ZNF98: variants seen among roughly 807,000 people sequenced by gnomAD.
ZNF98 encodes zinc finger protein 739.
ZNF98 carries 8 observed loss-of-function variants against 12.8 expected under a neutral mutation model. The observed-to-expected ratio is 0.63, with a 90% confidence interval of 0.37 to 1.13. The LOEUF (loss-of-function observed/expected upper bound fraction) is 1.13. ZNF98 is among the 50% of genes most tolerant of loss of function. The pLI is 0.01. For synonymous variants in ZNF98, 112 were observed against 223.5 expected, an observed-to-expected ratio of 0.50 and a Z score of 4.45; for missense variants, 379 against 666.1, an observed-to-expected ratio of 0.57 and a Z score of 4.74.
intron 1 of ZNF98, among the ~76,000 whole-genome samples, chr19:22,404,234 A>G (rs1969495189): frequency 6.6e-6 from 1 of 152,182 alleles, no homozygotes; most frequent in Non-Finnish European, 1.5e-5. Flanking sequence ...TAAAAAAAAG[A>G]AAAGAAAATT....
chr19:22,395,995 C>T (rs1464144431), intron 3 of ZNF98, among the ~76,000 whole-genome samples: 1 of 151,270 alleles, frequency 6.6e-6, no homozygotes, highest in Non-Finnish European at 1.5e-5. Flanking sequence ...CTGCATATGC[C>T]CTACATATAA....
intron 1 of ZNF98, among the ~76,000 whole-genome samples, chr19:22,415,931 TAAAAAAAAAA>T (rs35543907): frequency 2.1e-5 from 2 of 96,784 alleles, no homozygotes; most frequent in African/African-American, 4.3e-5. Context: ...CGTTCCTACT[TAAAAAAAAAA>T]AAAAAAAAAC....
intron 1 of ZNF98, among the ~76,000 whole-genome samples, chr19:22,420,984 T>A (rs1376252384): frequency 6.6e-6 from 1 of 152,212 alleles, no homozygotes; most frequent in Non-Finnish European, 1.5e-5. Context: ...TAAATAGTTT[T>A]ATTTAAGACA....
rs544486561 is a variant in ZNF98, at chr19:22,422,194, C to T, written c.30+1G>A. 1 of 1,613,052 alleles carries T rather than the reference C, an allele frequency of 6.2e-7. No individual in the cohort carries two copies. The highest frequency in any genetic ancestry group is 1.3e-5 in the African/African-American group (1 of 75,018). On this transcript the variant is annotated splice_donor_variant, in intron 1 of 3. Coordinates refer to ENST00000357774, the MANE Select transcript of ZNF98 (RefSeq NM_001098626.2). LOFTEE classifies it high-confidence loss of function. ...AGGGATGTCGGACTCGGCACTCTCA[C>T]CATTTCTAGGCTTCCAAGGGGTCCT...
In ZNF98 at chr19:22,422,334, G is replaced by C; in HGVS notation, c.-110C>G. ...CGAGACCAGGAACTCCGGCTGCAGC[G>C]AGAGACAAAGACCCCGCCACATCCC... On this transcript the variant is annotated 5_prime_UTR_variant, in exon 1 of 4. Transcript: ENST00000357774. 1.5e-6 allele frequency: 2 copies of C among 1,339,450 alleles called. No homozygotes were observed. The highest frequency in any genetic ancestry group is 2.5e-5 in the East Asian group (1 of 40,788). 83.0% of individuals were successfully genotyped at this position (1,339,450 alleles called of 1,614,324 possible).
intron 1 of ZNF98, among the ~76,000 whole-genome samples, chr19:22,406,681 G>C (rs1272261754): frequency 6.6e-6 from 1 of 151,966 alleles, no homozygotes; most frequent in Admixed American, 6.6e-5. Context: ...GCCGGGCATG[G>C]TAGTCCGCAC....
chr19:22,399,907 C>T (rs377564075), intron 3 of ZNF98, among the ~76,000 whole-genome samples: 2 of 152,178 alleles, frequency 1.3e-5, no homozygotes, highest in Admixed American at 6.5e-5. Context: ...CAACCTGGGT[C>T]ATGTAGCAAG....
At chr19:22,395,870 G>GC (rs1159164977) in intron 3 of ZNF98, among the ~76,000 whole-genome samples, 3 of 99,580 alleles carry the variant, frequency 3.0e-5, no homozygotes, top group African/African-American at 1.5e-4. Context: ...AAGTCCTGAG[G>GC]GGGGGGAAAA....
In ZNF98 at chr19:22,391,684, G is replaced by C. The variant is rs775081916; in HGVS notation, c.1551C>G (p.Pro517=). 2.2e-5 allele frequency: 35 copies of C among 1,613,882 alleles called. No individual in the cohort carries two copies. The South Asian group carries it at 3.8e-4, about 18-fold the overall frequency. ...THKMIHTGEK[P]YKCEECGKAF... is the part of the protein sequence containing the mutation. ...CTTTGCCGCATTCTTCACACTTGTA[G>C]GGTTTCTCTCCAGTATGAATCATCT... is the stretch of plus-strand genomic sequence containing the variant. The change falls in exon 4 of 4, where the codon CCC becomes CCG. Residue 517 remains proline, a synonymous_variant. Transcript: ENST00000357774.
chr19:22,415,674 T>C (rs935078580), intron 1 of ZNF98, among the ~76,000 whole-genome samples: 15 of 149,276 alleles, frequency 1.0e-4, no homozygotes, highest in African/African-American at 3.7e-4. Flanking sequence ...GTCTCAGCTA[T>C]GTGGGGGGCT....
chr19:22,396,875 C>T (rs1174291629), intron 3 of ZNF98, among the ~76,000 whole-genome samples: 1 of 152,064 alleles, frequency 6.6e-6, no homozygotes, highest in African/African-American at 2.4e-5. Context: ...AATCCCAGCA[C>T]TTTGGGAGGC....
At chr19:22,396,736 T>G (rs184727589) in intron 3 of ZNF98, among the ~76,000 whole-genome samples, 19 of 152,308 alleles carry the variant, frequency 1.2e-4, no homozygotes, top group Admixed American at 1.2e-3. Flanking sequence ...AAGATAGTAT[T>G]ATGCAAGCTA....
intron 3 of ZNF98, among the ~76,000 whole-genome samples, chr19:22,398,785 G>T (rs1212016112): frequency 6.6e-6 from 1 of 151,984 alleles, no homozygotes; most frequent in Non-Finnish European, 1.5e-5. Context: ...AGTCACAAAA[G>T]TGTTTCCCTC....
chr19:22,397,866 C>T lies in ZNF98; in HGVS notation c.254-4885G>A, dbSNP rs557485012. Among the ~76,000 whole-genome samples, 64 of 147,356 alleles carry T rather than the reference C, an allele frequency of 4.3e-4. 1 individual carries two copies. In the East Asian group the frequency reaches 0.011, roughly 26 times the overall value. On this transcript the variant is annotated intron_variant, in intron 3 of 3. Coordinates refer to ENST00000357774, the MANE Select transcript of ZNF98 (RefSeq NM_001098626.2). ...AAACAATGTTGGAGGCATTACAGTT[C>T]CTGATTTCAAAACACAAAGCTACAG...
At chr19:22,420,080 T>A (rs1360508601) in intron 1 of ZNF98, among the ~76,000 whole-genome samples, 1 of 152,048 alleles carries the variant, frequency 6.6e-6, no homozygotes, top group Non-Finnish European at 1.5e-5. Flanking sequence ...AGAGAATCAC[T>A]TGAACGTGGG....
chr19:22,403,833 T>A (rs996662847), intron 1 of ZNF98, among the ~76,000 whole-genome samples: 2 of 152,354 alleles, frequency 1.3e-5, no homozygotes, highest in Admixed American at 1.3e-4. Flanking sequence ...TTGTGTAAAT[T>A]TTTCAGATGG....
chr19:22,414,681 T>A (rs1969620204), intron 1 of ZNF98, among the ~76,000 whole-genome samples: 1 of 151,686 alleles, frequency 6.6e-6, no homozygotes, highest in Admixed American at 6.6e-5. Flanking sequence ...TAGCTAGCAC[T>A]ATGTAGAAGA....
At chr19:22,401,732 G>T (rs911377495) in intron 3 of ZNF98, among the ~76,000 whole-genome samples, 9 of 151,542 alleles carry the variant, frequency 5.9e-5, no homozygotes, top group African/African-American at 2.2e-4. Context: ...TGATCCACCT[G>T]CCTCAGCCTC....
chr19:22,412,359 A>T (rs1156703071), intron 1 of ZNF98, among the ~76,000 whole-genome samples: 1 of 152,210 alleles, frequency 6.6e-6, no homozygotes, highest in Non-Finnish European at 1.5e-5. Context: ...AGAACCAAGA[A>T]GTTCTTTGAA....
Sources: allele counts gnomAD v4.1 joint callset (sites outside exome capture counted in the v4.1 genomes callset), GRCh38; gene constraint gnomAD v4.1.1; transcripts MANE v1.5; gene names NCBI Gene and HGNC (gene_info 2026-07-23, HGNC 2026-07-21).